Variants in KLHL32 observed in about 807,000 individuals in gnomAD.
KLHL32 encodes kelch like family member 32.
A neutral mutation model predicts 64.8 loss-of-function variants in KLHL32; 35 were observed. The observed-to-expected ratio is 0.54, with a 90% CI of 0.41 to 0.72. The LOEUF is 0.72. Among genes scored for constraint, KLHL32 ranks in the 30% least tolerant of loss-of-function variants. The pLI, the probability that KLHL32 is intolerant of heterozygous loss-of-function variation, is 0.00. For missense variants in KLHL32, 589 were observed against 768.5 expected (o/e 0.77, Z 2.76); for synonymous variants, 259 against 281.0 (o/e 0.92, Z 0.78).
intron 1 of KLHL32, among the ~76,000 whole-genome samples, chr6:96,939,115 A>C (rs1431657454): frequency 6.6e-6 from 1 of 152,218 alleles, no homozygotes; most frequent in Non-Finnish European, 1.5e-5. Flanking sequence ...ATTGGCTTGC[A>C]TGGCCCGCCT....
chr6:96,912,890 C>T, the KLHL32 span, among the ~76,000 whole-genome samples: 2 of 152,190 alleles, frequency 1.3e-5, no homozygotes, highest in African/African-American at 4.8e-5. Context: ...CACATATTCC[C>T]TTCTCACCAA....
At chr6:97,024,920 T>C in intron 3 of KLHL32, 1 of 858,320 alleles carries the variant, frequency 1.2e-6, no homozygotes, top group Non-Finnish European at 1.4e-6. Flanking sequence ...ATATCTTTTC[T>C]ATGCTTTTAA....
chr6:97,057,215 G>A (rs1788117415), intron 4 of KLHL32, among the ~76,000 whole-genome samples: 1 of 63,832 alleles, frequency 1.6e-5, no homozygotes, highest in Non-Finnish European at 2.4e-5. Context: ...ACGGAGTTTC[G>A]CTCTGTCGCC....
At chr6:96,953,322 G>T (rs56075813) in intron 1 of KLHL32, among the ~76,000 whole-genome samples, 1,625 of 152,104 alleles carry the variant, frequency 0.011, 11 homozygotes, top group Non-Finnish European at 0.016. Context: ...GGTTTCCCAT[G>T]AAAAAAGATG....
chr6:97,067,544 G>A (rs1422226849), intron 5 of KLHL32, among the ~76,000 whole-genome samples: 1 of 152,066 alleles, frequency 6.6e-6, no homozygotes, highest in Non-Finnish European at 1.5e-5. Context: ...GGTAACCCAT[G>A]GCCCCCAGAC....
At chr6:97,112,435 T>A (rs1797262717) in intron 6 of KLHL32, among the ~76,000 whole-genome samples, 1 of 152,032 alleles carries the variant, frequency 6.6e-6, no homozygotes, top group Non-Finnish European at 1.5e-5. Context: ...TGAATTGTGG[T>A]TTTTTCATTG....
chr6:96,923,152 T>C (rs926667560), upstream of KLHL32, among the ~76,000 whole-genome samples: 2 of 152,220 alleles, frequency 1.3e-5, no homozygotes, highest in East Asian at 1.9e-4. Flanking sequence ...CTTTGCTCTA[T>C]TTAATTATAC....
At chr6:97,005,577 G>T (rs1459034815) in intron 3 of KLHL32, among the ~76,000 whole-genome samples, 4 of 151,996 alleles carry the variant, frequency 2.6e-5, no homozygotes, top group African/African-American at 9.7e-5. Flanking sequence ...ATATTAGGTT[G>T]TTAATTTGAG....
At chr6:96,922,752 C>T (rs1768790759), upstream of KLHL32, among the ~76,000 whole-genome samples, 1 of 152,158 alleles carries the variant, frequency 6.6e-6, no homozygotes, top group Non-Finnish European at 1.5e-5. Flanking sequence ...GAAATGGTGC[C>T]TAACACCTAG....
In KLHL32 at chr6:97,105,930, A is replaced by G. The variant is rs973268284; in HGVS notation, c.628-7853A>G. Among the ~76,000 whole-genome samples, 4 of 152,210 alleles carry G rather than the reference A, an allele frequency of 2.6e-5. No homozygotes were observed. The East Asian group carries it at 7.7e-4, about 29-fold the overall frequency. ...AAAGACAGTTCTATGGAAGAGTGCA[A>G]TAATGTTTATTCTTGAATTTGGGAT... On this transcript the variant is annotated intron_variant, in intron 6 of 10. Transcript: ENST00000369261.
At chr6:97,036,835 G>T (rs774924673) in intron 3 of KLHL32, among the ~76,000 whole-genome samples, 1 of 152,200 alleles carries the variant, frequency 6.6e-6, no homozygotes, top group Non-Finnish European at 1.5e-5. Flanking sequence ...TGGGCTCCAG[G>T]CATCTCTGTC....
intron 10 of KLHL32, 109 bp from the exon 11 acceptor site, chr6:97,139,012 G>A: frequency 3.1e-6 from 3 of 972,516 alleles, no homozygotes; most frequent in Non-Finnish European, 4.6e-6. Flanking sequence ...CTAAGATATG[G>A]TGATGGTGAC....
At chr6:97,006,213 AG>A (rs1779643539) in intron 3 of KLHL32, among the ~76,000 whole-genome samples, 1 of 152,172 alleles carries the variant, frequency 6.6e-6, no homozygotes, top group Non-Finnish European at 1.5e-5. Flanking sequence ...ATACATATTT[AG>A]GATAGTTAGG....
At chr6:96,910,840 A>C in the KLHL32 span, among the ~76,000 whole-genome samples, 1 of 152,228 alleles carries the variant, frequency 6.6e-6, no homozygotes, top group Admixed American at 6.5e-5. Context: ...AACTAGAAGC[A>C]GCACAAGCTT....
At chr6:97,075,995 C>T (rs1169445685) in intron 5 of KLHL32, among the ~76,000 whole-genome samples, 5 of 152,050 alleles carry the variant, frequency 3.3e-5, no homozygotes, top group African/African-American at 1.2e-4. Flanking sequence ...ATTGTATTTC[C>T]CCAAGGAGTT....
chr6:97,052,787 A>G (rs1787149876), intron 4 of KLHL32, among the ~76,000 whole-genome samples: 1 of 152,264 alleles, frequency 6.6e-6, no homozygotes, highest in African/African-American at 2.4e-5. Context: ...CCAGAAAACC[A>G]GAAAACTGGA....
At chr6:96,959,284 C>T (rs1773627043) in intron 1 of KLHL32, among the ~76,000 whole-genome samples, 1 of 152,142 alleles carries the variant, frequency 6.6e-6, no homozygotes, top group African/African-American at 2.4e-5. Context: ...GTGTGGTCTG[C>T]AGGCCCGGGA....
intron 3 of KLHL32, among the ~76,000 whole-genome samples, chr6:96,981,799 T>C (rs371891203): frequency 5.9e-5 from 9 of 152,192 alleles, no homozygotes; most frequent in African/African-American, 1.9e-4. Flanking sequence ...TACCTTAATT[T>C]CATTGTTTAC....
rs545128964 is a variant in KLHL32, at chr6:96,967,119, T to A, written c.23+36T>A. The A allele has an allele frequency of 2.2e-5, 36 of 1,605,326 alleles. No individual in the cohort carries two copies. In the South Asian group the frequency reaches 4.0e-4, roughly 18 times the overall value. On this transcript the variant is annotated intron_variant, in intron 2 of 10. Transcript: ENST00000369261. ...TAGGATATGTCCTCACATGCCGTAG[T>A]GAGCCCTGAAATAAGTGCATTGCAC...
Sources: allele counts gnomAD v4.1 joint callset (sites outside exome capture counted in the v4.1 genomes callset), GRCh38; gene constraint gnomAD v4.1.1; transcripts MANE v1.5; gene names NCBI Gene and HGNC (gene_info 2026-07-23, HGNC 2026-07-21).